CLEC2A: variants seen among roughly 807,000 people sequenced by gnomAD.
CLEC2A encodes keratinocyte-associated C-type lectin.
Under a neutral mutation model 18.6 loss-of-function variants are expected in CLEC2A, and 19 were observed. That is an observed-to-expected ratio of 1.02 (90% confidence interval 0.71 to 1.50). The LOEUF is 1.50. CLEC2A is among the 40% of genes most tolerant of loss of function. The probability of loss-of-function intolerance (pLI) is 0.00; values close to 1 mark genes in which losing one functional copy is unlikely to be tolerated. For missense variants in CLEC2A, 190 were observed against 207.9 expected (o/e 0.91, Z 0.53); for synonymous variants, 74 against 64.0 (o/e 1.16, Z -0.75).
At chr12:9,912,441 C>A (rs748019004), downstream of CLEC2A, among the ~76,000 whole-genome samples, 1 of 152,108 alleles carries the variant, frequency 6.6e-6, no homozygotes, top group Admixed American at 6.5e-5. Flanking sequence ...CATGTTTCCC[C>A]CACCCTCAGA....
the CLEC2A span, among the ~76,000 whole-genome samples, chr12:9,879,149 G>T: frequency 6.7e-6 from 1 of 149,204 alleles, no homozygotes; most frequent in Non-Finnish European, 1.5e-5. Context: ...TTTGGGAAAT[G>T]AAAAAAAAAG....
chr12:9,879,154 AAAAAG>A, the CLEC2A span, among the ~76,000 whole-genome samples: 4 of 152,160 alleles, frequency 2.6e-5, no homozygotes, highest in Admixed American at 1.3e-4. Context: ...GAAATGAAAA[AAAAAG>A]AAAAGAAAAG....
chr12:9,922,123 T>C lies in CLEC2A; in HGVS notation c.249A>G (p.Lys83=). 6.4e-7 allele frequency: 1 copy of C among 1,551,256 alleles called. No individual in the cohort carries two copies. Among genetic ancestry groups the C allele is most frequent in the Non-Finnish European group, 8.7e-7 (1 of 1,146,740 alleles). ...SDDTRNWTAS[K]IFCSLQKAEL... is the part of the protein sequence containing the mutation. ...CTGCTTTCTGCAAACTACAAAATAT[T>C]TTACTGGCTGTCCAATTTCTGGTAT... The change falls in exon 3 of 5, where the codon AAA becomes AAG. Residue 83 remains lysine, a synonymous_variant. Transcript: ENST00000455827.
At chr12:9,891,199 C>A in the CLEC2A span, among the ~76,000 whole-genome samples, 1 of 152,106 alleles carries the variant, frequency 6.6e-6, no homozygotes, top group Non-Finnish European at 1.5e-5. Context: ...TGCTTAGAAA[C>A]CTGCCTGGCC....
chr12:9,894,171 GTTTCTTTC>G (rs200285327), downstream of CLEC2A, among the ~76,000 whole-genome samples: 5 of 78,598 alleles, frequency 6.4e-5, no homozygotes, highest in East Asian at 3.4e-4. Context: ...TTCCTTCTTT[GTTTCTTTC>G]TTTCTTTCTT....
Position 9,922,073 on chromosome 12 carries a change from T to C in CLEC2A, c.299A>G (p.Glu100Gly). The C allele has an allele frequency of 6.5e-7, 1 of 1,540,722 alleles. No individual in the cohort carries two copies. Among genetic ancestry groups the C allele is most frequent in the Non-Finnish European group, 8.8e-7 (1 of 1,142,810 alleles). ...KAELAQIDTQEDMEFLKRYAG... is the reference protein window; with the variant it reads ...KAELAQIDTQGDMEFLKRYAG... The stretch of plus-strand genomic sequence containing the variant: ...ACTTTTCTGTTTTCTTACCATGTCT[T>C]CTTGTGTATCAATCTGAGCAAGTTC... The change falls in exon 3 of 5, where the codon GAA becomes GGA. Residue 100 changes from glutamate to glycine, a missense_variant. Transcript: ENST00000455827.
downstream of CLEC2A, among the ~76,000 whole-genome samples, chr12:9,909,016 A>T (rs1206789422): frequency 3.3e-5 from 5 of 152,206 alleles, no homozygotes; most frequent in African/African-American, 7.2e-5. Context: ...CACTTAGAGG[A>T]TGATCTTTCC....
At chr12:9,900,838 A>G (rs1021903293) in intron 4 of CLEC2A, among the ~76,000 whole-genome samples, 6 of 152,228 alleles carry the variant, frequency 3.9e-5, no homozygotes, top group South Asian at 4.1e-4. Context: ...CCTTCCAGTC[A>G]AAGTGTTGGT....
chr12:9,898,972 A>G (rs915267838), exon 5 of CLEC2A: 2 of 714,728 alleles, frequency 2.8e-6, no homozygotes, highest in Admixed American at 2.0e-5. Flanking sequence ...TTGGAGTTTG[A>G]TGGCCTGAAA....
intron 1 of CLEC2A, among the ~76,000 whole-genome samples, chr12:9,929,260 T>C (rs1344686998): frequency 6.6e-6 from 1 of 152,146 alleles, no homozygotes; most frequent in African/African-American, 2.4e-5. Flanking sequence ...ATTCCTTTTG[T>C]TTTCTTATAT....
At chr12:9,882,056 G>A in the CLEC2A span, among the ~76,000 whole-genome samples, 7 of 151,182 alleles carry the variant, frequency 4.6e-5, no homozygotes, top group East Asian at 5.8e-4. Context: ...TTTAATCTTC[G>A]TAAAAGCCCT....
At chr12:9,886,828 G>T in the CLEC2A span, among the ~76,000 whole-genome samples, 3 of 151,516 alleles carry the variant, frequency 2.0e-5, no homozygotes, top group African/African-American at 7.3e-5. Flanking sequence ...ATAGAGCCAG[G>T]TAGAGCTCCT....
In CLEC2A at chr12:9,932,284, G is replaced by T. The variant is rs1212457778; in HGVS notation, c.46C>A (p.His16Asn). 2 of 1,550,788 alleles carry T rather than the reference G, an allele frequency of 1.3e-6. No individual in the cohort carries two copies. The highest frequency in any genetic ancestry group is 2.0e-5 in the Admixed American group (1 of 50,998). The change falls in exon 1 of 5, where the codon CAT becomes AAT. Residue 16 changes from histidine to asparagine, a missense_variant. Transcript: ENST00000455827. ...LRDGRADGFI[H>N]RIVPKLIQNW... ...ACTCTATAAAACTTACCTATCCGAT[G>T]TATGAAGCCATCAGCTCTGCCATCC...
the CLEC2A span, chr12:9,893,057 C>T: frequency 8.5e-4 from 1,311 of 1,535,322 alleles, 8 homozygotes; most frequent in African/African-American, 8.5e-3. Context: ...GGCTGTTGAA[C>T]GAAGGGAAAT....
chr12:9,919,929 C>A (rs928363227), intron 3 of CLEC2A, among the ~76,000 whole-genome samples: 3 of 152,002 alleles, frequency 2.0e-5, no homozygotes, highest in African/African-American at 7.2e-5. Context: ...GATTGGGTAC[C>A]CACTTACAAG....
At chr12:9,909,117 A>G (rs567881550), downstream of CLEC2A, among the ~76,000 whole-genome samples, 2 of 152,340 alleles carry the variant, frequency 1.3e-5, no homozygotes, top group East Asian at 3.9e-4. Flanking sequence ...AGGGGATCTT[A>G]TAAATCTAGG....
chr12:9,889,791 A>G, the CLEC2A span, among the ~76,000 whole-genome samples: 1 of 152,052 alleles, frequency 6.6e-6, no homozygotes, highest in Non-Finnish European at 1.5e-5. Flanking sequence ...ATAAGAACAT[A>G]GGCTATAGAA....
chr12:9,907,436 G>A (rs934458179), intron 4 of CLEC2A, among the ~76,000 whole-genome samples: 1 of 152,100 alleles, frequency 6.6e-6, no homozygotes, highest in Admixed American at 6.6e-5. Context: ...CATTTTTGGA[G>A]CTTCTGCTTA....
chr12:9,930,308 AG>A (rs1797839421), intron 1 of CLEC2A, among the ~76,000 whole-genome samples: 4 of 152,314 alleles, frequency 2.6e-5, no homozygotes, highest in African/African-American at 9.6e-5. Flanking sequence ...TCTGAGGTAG[AG>A]GGGGTTAGAG....
Sources: allele counts gnomAD v4.1 joint callset (sites outside exome capture counted in the v4.1 genomes callset), GRCh38; gene constraint gnomAD v4.1.1; transcripts MANE v1.5; gene names NCBI Gene and HGNC (gene_info 2026-07-23, HGNC 2026-07-21).